Variants in NCAM2 observed in about 807,000 individuals in gnomAD.
The protein encoded by NCAM2 is neural cell adhesion molecule 2, also known as N-CAM-2.
In NCAM2, 30 loss-of-function variants were observed where a neutral mutation model predicts 98.1. The ratio of observed to expected loss-of-function variants is 0.31; its 90% CI spans 0.23 to 0.41. The LOEUF is 0.41. Ranked by LOEUF, NCAM2 falls within the 10% of genes least tolerant of loss-of-function variation. The pLI, the probability that NCAM2 is intolerant of heterozygous loss-of-function variation, is 1.00. For missense variants in NCAM2, 867 were observed against 1,005.8 expected (o/e 0.86, Z 1.87); for synonymous variants, 368 against 342.4 (o/e 1.07, Z -0.83).
intron 12 of NCAM2, among the ~76,000 whole-genome samples, chr21:21,437,976 G>A (rs187792290): frequency 6.6e-6 from 1 of 151,922 alleles, no homozygotes; most frequent in Non-Finnish European, 1.5e-5. Flanking sequence ...GTAAATCACA[G>A]GTTGTGTTAA....
At chr21:21,388,687 C>T (rs932695704) in intron 9 of NCAM2, among the ~76,000 whole-genome samples, 1 of 152,056 alleles carries the variant, frequency 6.6e-6, no homozygotes. Context: ...ATGTGATGCT[C>T]GATTTAGTTA....
At chr21:21,405,638 T>G (rs370905289) in intron 9 of NCAM2, among the ~76,000 whole-genome samples, 3 of 152,168 alleles carry the variant, frequency 2.0e-5, no homozygotes, top group South Asian at 2.1e-4. Flanking sequence ...GAAGTTTACT[T>G]GTTATGATCA....
At chr21:21,521,614 A>G (rs1158886778) in intron 16 of NCAM2, among the ~76,000 whole-genome samples, 2 of 152,176 alleles carry the variant, frequency 1.3e-5, no homozygotes, top group Non-Finnish European at 2.9e-5. Context: ...AATGTCTTTG[A>G]TAGGCTTATT....
chr21:21,507,981 T>G (rs1470300442), intron 15 of NCAM2, among the ~76,000 whole-genome samples: 1 of 152,110 alleles, frequency 6.6e-6, no homozygotes, highest in Non-Finnish European at 1.5e-5. Flanking sequence ...TACCCTCAGA[T>G]TCTACTACAA....
At position 21,467,143 on chromosome 21, in the gene NCAM2, A is replaced by G. The variant is rs529520380; in HGVS notation, c.1774+418A>G. 1.3e-4 allele frequency among the ~76,000 whole-genome samples: 20 copies of G among 152,016 alleles called. No individual in the cohort carries two copies. In the South Asian group the frequency reaches 4.1e-3, roughly 32 times the overall value. On this transcript the variant is annotated intron_variant, in intron 13 of 17. Transcript: ENST00000400546. The stretch of plus-strand genomic sequence containing the variant: ...ATTATATGGGCTCTAAGTGTCAGAA[A>G]AGGAATCATTATGTTAATTCATTAA...
In NCAM2 at chr21:21,456,582, C is replaced by T. The variant is rs529374860; in HGVS notation, c.1655-10024C>T. On this transcript the variant is annotated intron_variant, in intron 12 of 17. Coordinates refer to ENST00000400546, the MANE Select transcript of NCAM2 (RefSeq NM_004540.5). ...AATTAAATTTTAAAAAGATCTTACA[C>T]CATATGCAAAAATCAACTCAAAATA... Among the ~76,000 whole-genome samples the T allele has an allele frequency of 2.6e-5, 4 of 152,140 alleles. No homozygotes were observed. In the East Asian group the frequency reaches 5.8e-4, roughly 22 times the overall value.
At chr21:21,449,513 G>A (rs1980701327) in intron 12 of NCAM2, among the ~76,000 whole-genome samples, 1 of 151,972 alleles carries the variant, frequency 6.6e-6, no homozygotes, top group Admixed American at 6.6e-5. Context: ...GGGCTCTCAT[G>A]CACATTTTGA....
intron 1 of NCAM2, among the ~76,000 whole-genome samples, chr21:21,014,279 C>T (rs903029788): frequency 6.6e-6 from 1 of 152,026 alleles, no homozygotes; most frequent in Non-Finnish European, 1.5e-5. Flanking sequence ...CAAAAATTAG[C>T]TGGACGTGGT....
At chr21:21,187,218 C>T (rs1346761027) in intron 1 of NCAM2, among the ~76,000 whole-genome samples, 4 of 151,972 alleles carry the variant, frequency 2.6e-5, no homozygotes, top group South Asian at 4.2e-4. Context: ...AGCGAAACTC[C>T]GTCTAAAAAC....
chr21:21,508,092 G>T (rs540140885), intron 15 of NCAM2, among the ~76,000 whole-genome samples: 1 of 151,954 alleles, frequency 6.6e-6, no homozygotes, highest in Non-Finnish European at 1.5e-5. Flanking sequence ...CCTCTTTCAT[G>T]GTTACTTTCT....
intron 5 of NCAM2, among the ~76,000 whole-genome samples, chr21:21,308,278 C>T (rs2073944662): frequency 6.6e-6 from 1 of 152,104 alleles, no homozygotes; most frequent in Non-Finnish European, 1.5e-5. Flanking sequence ...GCTTGAATGA[C>T]TTCCTTTAGC....
In NCAM2 at chr21:21,074,536, G is replaced by A. The variant is rs576374099; in HGVS notation, c.55+75918G>A. On this transcript the variant is annotated intron_variant, in intron 1 of 17. Transcript: ENST00000400546. ...TTCAAATTCAGGATCAGGTGGAAAGGGATCTCCTCTGACCTAATCTTAGAC... is the reference window on the plus strand; with the variant it reads ...TTCAAATTCAGGATCAGGTGGAAAGAGATCTCCTCTGACCTAATCTTAGAC... 2.6e-5 allele frequency among the ~76,000 whole-genome samples: 4 copies of A among 152,240 alleles called. No individual in the cohort carries two copies. In the East Asian group the frequency reaches 5.8e-4, roughly 22 times the overall value.
chr21:21,110,732 A>T (rs1293900911), intron 1 of NCAM2, among the ~76,000 whole-genome samples: 1 of 151,990 alleles, frequency 6.6e-6, no homozygotes, highest in African/African-American at 2.4e-5. Context: ...CCACAAAACT[A>T]CCAGTAGACA....
chr21:21,446,828 G>T (rs1213348031), intron 12 of NCAM2, among the ~76,000 whole-genome samples: 1 of 151,902 alleles, frequency 6.6e-6, no homozygotes, highest in African/African-American at 2.4e-5. Flanking sequence ...AAAATGCCTA[G>T]GAATATAGCT....
chr21:21,404,799 T>C (rs1405480551), intron 9 of NCAM2, among the ~76,000 whole-genome samples: 2 of 151,798 alleles, frequency 1.3e-5, no homozygotes, highest in Non-Finnish European at 2.9e-5. Context: ...TGTACATATA[T>C]GTATATATTC....
At chr21:21,403,456 C>A (rs1389334769) in intron 9 of NCAM2, among the ~76,000 whole-genome samples, 1 of 151,528 alleles carries the variant, frequency 6.6e-6, no homozygotes, top group East Asian at 1.9e-4. Flanking sequence ...GATGGAAAAT[C>A]TTTAAGATTA....
At position 21,430,394 on chromosome 21, in the gene NCAM2, T is replaced by TTATATATATATATATATA. The variant is rs548093741; in HGVS notation, c.1481-1705_1481-1704insATATATATATATATATAT. Among the ~76,000 whole-genome samples, 24 of 125,026 alleles carry TTATATATATATATATATA rather than the reference T, an allele frequency of 1.9e-4. 2 individuals are homozygous for TTATATATATATATATATA. The East Asian group carries it at 2.3e-3, about 12-fold the overall frequency. 82.0% of individuals were successfully genotyped at this position (125,026 alleles called of 152,430 possible). Reference sequence around the variant, plus strand: ...TGTACTGCATATTTATCAGTCAAGTTTATATATATTAGCCCATTCTCACAC... The same window carrying TTATATATATATATATATA: ...TGTACTGCATATTTATCAGTCAAGTTTATATATATATATATATATATATATATTAGCCCATTCTCACAC... On this transcript the variant is annotated intron_variant, in intron 11 of 17. Coordinates refer to ENST00000400546, the MANE Select transcript of NCAM2 (RefSeq NM_004540.5).
chr21:21,188,969 G>A (rs748451853), intron 1 of NCAM2, among the ~76,000 whole-genome samples: 5 of 152,184 alleles, frequency 3.3e-5, no homozygotes, highest in Non-Finnish European at 5.9e-5. Flanking sequence ...AATGGGGCAG[G>A]TGTCTTGGAA....
chr21:21,471,918 C>G (rs1984490158), intron 14 of NCAM2, among the ~76,000 whole-genome samples: 1 of 151,910 alleles, frequency 6.6e-6, no homozygotes, highest in Non-Finnish European at 1.5e-5. Context: ...TCTGTGGACT[C>G]TTCATGAAAA....
Sources: gnomAD v4.1 joint callset for allele counts (sites outside exome capture counted in the v4.1 genomes callset) on GRCh38, gnomAD v4.1.1 for gene constraint, MANE v1.5 for transcripts, NCBI Gene and HGNC (gene_info 2026-07-23, HGNC 2026-07-21) for gene names.